Variants in SLC25A10 observed in about 807,000 individuals in gnomAD.
SLC25A10 encodes the protein mitochondrial dicarboxylate carrier.
In SLC25A10, 32 loss-of-function variants were observed where a neutral mutation model predicts 40.4. That is an observed-to-expected ratio of 0.79 (90% CI 0.60 to 1.06). SLC25A10 has a LOEUF of 1.06. SLC25A10 is among the 50% of genes least tolerant of loss of function. The pLI, the probability that SLC25A10 is intolerant of heterozygous loss-of-function variation, is 0.00. For synonymous variants in SLC25A10, 181 were observed against 171.1 expected, an observed-to-expected ratio of 1.06 and a Z score of -0.45; for missense variants, 394 against 402.6, an observed-to-expected ratio of 0.98 and a Z score of 0.18.
Position 81,716,967 on chromosome 17 carries a change from T to G in SLC25A10, c.464-35T>G, listed in dbSNP as rs34675304. The stretch of plus-strand genomic sequence containing the variant: ...GGGCCAGGTGCCTGGCCTCACCCCT[T>G]GCCTCACCCCTTGCCTCACCCCTTC... On this transcript the variant is annotated intron_variant, in intron 6 of 10. Coordinates refer to ENST00000350690, the MANE Select transcript of SLC25A10 (RefSeq NM_012140.5). 2.3e-4 allele frequency: 364 copies of G among 1,592,778 alleles called. 1 individual carries two copies. The highest frequency in any genetic ancestry group is 1.2e-3 in the South Asian group (107 of 90,028).
chr17:81,714,184 A>T (rs2037436170), intron 1 of SLC25A10, among the ~76,000 whole-genome samples: 1 of 152,098 alleles, frequency 6.6e-6, no homozygotes, highest in African/African-American at 2.4e-5. Context: ...CGGCGGAAGG[A>T]CTTCTTTGGG....
At chr17:81,714,820 C>T (rs867528663) in intron 1 of SLC25A10, 133 bp from the exon 2 acceptor site, 5 of 1,226,456 alleles carry the variant, frequency 4.1e-6, no homozygotes, top group Non-Finnish European at 4.5e-6. Context: ...GTTCCAGGCA[C>T]GGGTGTGGAG....
Position 81,712,447 on chromosome 17 carries a change from G to C in SLC25A10, c.21G>C (p.Val7=). MAAEAR[V]SRWYFGGLAS... The stretch of plus-strand genomic sequence containing the variant: ...GGGCCATGGCAGCCGAGGCGCGCGT[G>C]TCGCGCTGGTACTTCGGGGGGCTGG... The change falls in exon 1 of 11, where the codon GTG becomes GTC. Residue 7 remains valine (V), a synonymous_variant. Coordinates refer to ENST00000350690, the MANE Select transcript of SLC25A10 (RefSeq NM_012140.5). 2 of 1,308,984 alleles carry C rather than the reference G, an allele frequency of 1.5e-6. No individual in the cohort carries two copies. The highest frequency in any genetic ancestry group is 3.7e-5 in the Admixed American group (1 of 26,882). The allele number at this position is 1,308,984 out of a possible 1,614,324, so 81.1% of individuals were successfully genotyped here. A position where few individuals can be genotyped will look rare whatever the true frequency, so the allele number is the denominator to read the frequency against.
At chr17:81,716,460 T>A (rs948727968) in intron 5 of SLC25A10, among the ~76,000 whole-genome samples, 1 of 152,114 alleles carries the variant, frequency 6.6e-6, no homozygotes, top group Non-Finnish European at 1.5e-5. Flanking sequence ...TGTGAGCCAC[T>A]TCCCCCGCCC....
intron 1 of SLC25A10, 136 bp from the exon 2 acceptor site, chr17:81,714,817 G>A: frequency 8.3e-7 from 1 of 1,199,006 alleles, no homozygotes; most frequent in Non-Finnish European, 1.2e-6. Flanking sequence ...CTGGTTCCAG[G>A]CACGGGTGTG....
chr17:81,717,613 G>A, intron 8 of SLC25A10, 122 bp downstream of exon 8: 2 of 1,319,422 alleles, frequency 1.5e-6, no homozygotes, highest in Non-Finnish European at 1.1e-6. Flanking sequence ...GCCCCCTGGG[G>A]CTCATAAGTG....
chr17:81,716,263 G>A (rs1435368136), intron 5 of SLC25A10, among the ~76,000 whole-genome samples: 1 of 152,294 alleles, frequency 6.6e-6, no homozygotes, highest in African/African-American at 2.4e-5. Flanking sequence ...AGCCTTGTTG[G>A]ATTGGGGGCT....
In SLC25A10 at chr17:81,713,453, G is replaced by T. The variant is rs369765389; in HGVS notation, c.93+934G>T. 382 of 985,438 alleles carry T rather than the reference G, an allele frequency of 3.9e-4. 5 individuals carry two copies. In the South Asian group the frequency reaches 0.016, roughly 42 times the overall value. 61.0% of individuals were successfully genotyped at this position (985,438 alleles called of 1,614,324 possible). On this transcript the variant is annotated intron_variant, in intron 1 of 10. Coordinates refer to ENST00000350690, the MANE Select transcript of SLC25A10 (RefSeq NM_012140.5). The stretch of plus-strand genomic sequence containing the variant: ...GGGGACTTGTATTCCAGCAGCCTTT[G>T]AGGGGACTGGCTTTACTAATGAGCA...
At chr17:81,717,758 C>T (rs778347029) in intron 8 of SLC25A10, 26 bp from the exon 9 acceptor site, 3 of 1,604,422 alleles carry the variant, frequency 1.9e-6, no homozygotes, top group Non-Finnish European at 2.5e-6. Flanking sequence ...ACCTGACAGG[C>T]CGCTGGTGAC....
intron 6 of SLC25A10, 39 bp downstream of exon 6, chr17:81,716,894 G>C: frequency 6.2e-7 from 1 of 1,608,022 alleles, no homozygotes; most frequent in Non-Finnish European, 8.5e-7. Context: ...GGTTCTGGGG[G>C]GCAGGCAGGG....
rs202063198 is a variant in SLC25A10, at chr17:81,717,760, G to A, written c.628-24G>A. On this transcript the variant is annotated intron_variant, in intron 8 of 10. Transcript: ENST00000350690. ...TGGTGCCTGGCGTACCTGACAGGCC[G>A]CTGGTGACGAGCCCCCTCCTCAGGG... is the stretch of plus-strand genomic sequence containing the variant. 6.1e-4 allele frequency: 975 copies of A among 1,605,716 alleles called. 7 individuals are homozygous for A. In the South Asian group the frequency reaches 9.8e-3, roughly 16 times the overall value.
chr17:81,713,313 G>A (rs1201598390), intron 1 of SLC25A10: 1 of 277,624 alleles, frequency 3.6e-6, no homozygotes, highest in Admixed American at 6.5e-5. Context: ...AGAGAACAAA[G>A]AAGAAAGGGC....
intron 2 of SLC25A10, 77 bp downstream of exon 2, chr17:81,715,149 C>G (rs2037458110): frequency 6.4e-7 from 1 of 1,554,638 alleles, no homozygotes; most frequent in African/African-American, 1.3e-5. Flanking sequence ...CTTCCGTCCC[C>G]TTTTCAAGAC....
chr17:81,717,871 G>T lies in SLC25A10; in HGVS notation c.705+10G>T, dbSNP rs1318496377. 1.3e-6 allele frequency: 2 copies of T among 1,599,498 alleles called. No homozygotes were observed. Among genetic ancestry groups the T allele is most frequent in the East Asian group, 2.3e-5 (1 of 44,244 alleles). On this transcript the variant is annotated intron_variant, in intron 9 of 10. Transcript: ENST00000350690. ...CAAGGGGGAGTATCAGGTGAGTGGG[G>T]CCCTGCCTGTGCAGTTGGGCTGCAC...
At chr17:81,717,616 C>T (rs1025953157) in intron 8 of SLC25A10, 125 bp downstream of exon 8, 69 of 1,316,070 alleles carry the variant, frequency 5.2e-5, no homozygotes, top group Non-Finnish European at 7.2e-5. Flanking sequence ...CCCTGGGGCT[C>T]ATAAGTGGGG....
At position 81,717,085 on chromosome 17, in the gene SLC25A10, C is replaced by T. The variant is rs531566263; in HGVS notation, c.534+13C>T. 9 of 1,612,948 alleles carry T rather than the reference C, an allele frequency of 5.6e-6. No homozygotes were observed. The highest frequency in any genetic ancestry group is 1.7e-4 in the Middle Eastern group (1 of 6,060). On this transcript the variant is annotated intron_variant, in intron 7 of 10. Transcript: ENST00000350690. Reference sequence around the variant, plus strand: ...CACTGTGGGCCAGGTAGGCCTCCTGCGTGGGGTGGGTGTGGGCAGTGCCTG... The same window carrying T: ...CACTGTGGGCCAGGTAGGCCTCCTGTGTGGGGTGGGTGTGGGCAGTGCCTG...
Position 81,712,405 on chromosome 17 carries a change from C to G in SLC25A10, c.-22C>G, listed in dbSNP as rs554266051. ...GGCCGGGGTCGGGTTGTGGTCGGGC[C>G]GGGATTGGGCTCTCCTGGGCCATGG... On this transcript the variant is annotated 5_prime_UTR_variant, in exon 1 of 11. Transcript: ENST00000350690. 2.4e-6 allele frequency: 3 copies of G among 1,264,472 alleles called. No homozygotes were observed. The highest frequency in any genetic ancestry group is 3.0e-6 in the Non-Finnish European group (3 of 1,003,404). 78.3% of individuals were successfully genotyped at this position (1,264,472 alleles called of 1,614,324 possible).
rs1232680524 is a variant in SLC25A10 at position 81,715,517 on chromosome 17, G to A, written c.253G>A (p.Val85Met). The A allele has an allele frequency of 1.9e-6, 3 of 1,612,864 alleles. No individual in the cohort carries two copies. The highest frequency in any genetic ancestry group is 2.5e-6 in the Non-Finnish European group (3 of 1,179,824). Residue 85 changes from valine (V) to methionine (M), a missense_variant, in exon 3 of 11, where the codon GTG becomes ATG. Physicochemically the swap from Val to Met is conservative, Grantham distance 21 (BLOSUM62 1). Transcript: ENST00000350690. ...GACTCGGTTCGCCATCTACGAGACT[G>A]TGCGGGACCGTGTGGCCAAGGGCAG... The part of the protein sequence containing the change: ...SLTRFAIYET[V>M]RDRVAKGSQG...
intron 9 of SLC25A10, among the ~76,000 whole-genome samples, chr17:81,718,948 T>TA (rs1213316155): frequency 2.7e-5 from 4 of 150,880 alleles, no homozygotes; most frequent in African/African-American, 7.3e-5. Flanking sequence ...GACTCTGTCT[T>TA]AAAAAAACAA....
Sources: allele counts gnomAD v4.1 joint callset (sites outside exome capture counted in the v4.1 genomes callset), GRCh38; gene constraint gnomAD v4.1.1; transcripts MANE v1.5; gene names NCBI Gene and HGNC (gene_info 2026-07-23, HGNC 2026-07-21).